Variants in NTM observed in about 807,000 individuals in gnomAD.
NTM encodes the protein neurotrimin.
Under a neutral mutation model 42.1 loss-of-function variants are expected in NTM, and 13 were observed. The observed-to-expected ratio is 0.31, with a 90% CI of 0.20 to 0.49. NTM has a LOEUF of 0.49. NTM is among the 20% of genes least tolerant of loss of function. The pLI is 0.99. For synonymous variants in NTM, 187 were observed against 179.2 expected (o/e 1.04, Z -0.35); for missense variants, 373 against 452.8 (o/e 0.82, Z 1.60).
At chr11:131,492,671 A>G (rs1416916976) in intron 1 of NTM, among the ~76,000 whole-genome samples, 1 of 152,090 alleles carries the variant, frequency 6.6e-6, no homozygotes, top group Non-Finnish European at 1.5e-5. Context: ...CAAAGTGCAC[A>G]GTGGGTTCAG....
intron 2 of NTM, among the ~76,000 whole-genome samples, chr11:132,112,087 G>A (rs2063287741): frequency 1.3e-5 from 2 of 152,326 alleles, no homozygotes; most frequent in South Asian, 4.1e-4. Flanking sequence ...TGAAGGCCAA[G>A]CTATATTTCC....
rs1398710993 is a variant in NTM at position 131,660,823 on chromosome 11, A to G, written c.83-250741A>G. The G allele has an allele frequency of 5.0e-6, 6 of 1,205,238 alleles. No individual in the cohort carries two copies. In the East Asian group the frequency reaches 2.9e-4, roughly 58 times the overall value. 74.7% of individuals were successfully genotyped at this position (1,205,238 alleles called of 1,614,324 possible). On this transcript the variant is annotated intron_variant, in intron 1 of 8. Coordinates refer to ENST00000683400, the MANE Select transcript of NTM (RefSeq NM_001352005.2). ...AAATATAGAAAGGTAGGATGAAAAA[A>G]TAATATTCACTCATTGTTACAGTTT...
chr11:131,915,409 A>T (rs574622579), intron 2 of NTM, among the ~76,000 whole-genome samples: 1 of 152,346 alleles, frequency 6.6e-6, no homozygotes, highest in Admixed American at 6.5e-5. Flanking sequence ...GAAAGCAAGA[A>T]TCATGCCTTG....
At chr11:132,094,818 T>C (rs935309099) in intron 2 of NTM, among the ~76,000 whole-genome samples, 3 of 152,168 alleles carry the variant, frequency 2.0e-5, no homozygotes, top group African/African-American at 7.2e-5. Context: ...TGTGAGTCCA[T>C]GTGTGCATCA....
chr11:131,625,801 G>A lies in NTM; in HGVS notation c.82+254913G>A, dbSNP rs554699741. Among the ~76,000 whole-genome samples, 4 of 152,282 alleles carry A rather than the reference G, an allele frequency of 2.6e-5. No homozygotes were observed. In the South Asian group the frequency reaches 8.3e-4, roughly 32 times the overall value. On this transcript the variant is annotated intron_variant, in intron 1 of 8. Transcript: ENST00000683400. Reference sequence around the variant, plus strand: ...AGTGTGCCTGCTTTACAACTCACATGAGTGAGATCACAGAGATTCTTCTCC... The same window carrying A: ...AGTGTGCCTGCTTTACAACTCACATAAGTGAGATCACAGAGATTCTTCTCC...
Position 132,214,166 on chromosome 11 carries a change from A to G in NTM, c.526+2019A>G, listed in dbSNP as rs138734758. ...ATCAGGGAGGAAGCTTCAGCTGTGCATGAGATCATTAGTGATGGAAAATGG... is the reference window on the plus strand; with the variant it reads ...ATCAGGGAGGAAGCTTCAGCTGTGCGTGAGATCATTAGTGATGGAAAATGG... On this transcript the variant is annotated intron_variant, in intron 4 of 8. Transcript: ENST00000683400. Among the ~76,000 whole-genome samples the G allele has an allele frequency of 6.1e-3, 927 of 152,272 alleles. 10 individuals are homozygous for G. The highest frequency in any genetic ancestry group is 0.017 in the Middle Eastern group (5 of 294).
At chr11:131,743,244 T>C (rs1329991722) in intron 1 of NTM, among the ~76,000 whole-genome samples, 4 of 151,770 alleles carry the variant, frequency 2.6e-5, no homozygotes, top group African/African-American at 4.8e-5. Flanking sequence ...TTTTTTTTTT[T>C]CAAATTTTAG....
rs183134395 is a variant in NTM, at chr11:132,001,203, A to G, written c.167+89555A>G. On this transcript the variant is annotated intron_variant, in intron 2 of 8. Coordinates refer to ENST00000683400, the MANE Select transcript of NTM (RefSeq NM_001352005.2). The stretch of plus-strand genomic sequence containing the variant: ...AGGGCATTGTGGTCCCTTTAAGTTT[A>G]GCAAATACTGAATGCCTGCTGTGTA... Among the ~76,000 whole-genome samples the G allele has an allele frequency of 6.6e-5, 10 of 152,354 alleles. No homozygotes were observed. In the East Asian group the frequency reaches 1.9e-3, roughly 29 times the overall value.
chr11:132,199,552 C>A (rs1248009136), intron 3 of NTM, among the ~76,000 whole-genome samples: 2 of 152,290 alleles, frequency 1.3e-5, no homozygotes, highest in African/African-American at 4.8e-5. Flanking sequence ...GTGACCTCTT[C>A]CCCTCTGTAT....
At chr11:131,596,450 A>G (rs1427898046) in intron 1 of NTM, among the ~76,000 whole-genome samples, 1 of 152,222 alleles carries the variant, frequency 6.6e-6, no homozygotes, top group East Asian at 1.9e-4. Flanking sequence ...CATTTACAAA[A>G]GCAGGTGGCC....
At chr11:131,388,867 C>T (rs1943649834) in intron 1 of NTM, among the ~76,000 whole-genome samples, 1 of 151,330 alleles carries the variant, frequency 6.6e-6, no homozygotes, top group Non-Finnish European at 1.5e-5. Flanking sequence ...TAAAAATTAT[C>T]CAGGTATGGT....
intron 2 of NTM, among the ~76,000 whole-genome samples, chr11:132,107,750 T>C (rs1352881776): frequency 2.0e-5 from 3 of 152,160 alleles, no homozygotes; most frequent in African/African-American, 7.2e-5. Context: ...GTTCTCATTG[T>C]TCCTAATGTT....
chr11:131,483,986 G>T (rs192408746), intron 1 of NTM, among the ~76,000 whole-genome samples: 2 of 152,292 alleles, frequency 1.3e-5, no homozygotes, highest in African/African-American at 4.8e-5. Context: ...ACATCTCACT[G>T]GCTGAACACA....
At chr11:131,628,902 G>A (rs2063383720) in intron 1 of NTM, among the ~76,000 whole-genome samples, 1 of 152,282 alleles carries the variant, frequency 6.6e-6, no homozygotes, top group Admixed American at 6.5e-5. Context: ...AGCCAGGGCT[G>A]TGGAGTACAG....
chr11:132,171,011 T>G (rs759299403), intron 3 of NTM, among the ~76,000 whole-genome samples: 6 of 152,194 alleles, frequency 3.9e-5, no homozygotes, highest in Non-Finnish European at 8.8e-5. Context: ...TAGTTATCTC[T>G]TCACCCAAAA....
intron 3 of NTM, among the ~76,000 whole-genome samples, chr11:132,178,327 G>T (rs969687760): frequency 8.5e-5 from 13 of 152,104 alleles, no homozygotes; most frequent in Non-Finnish European, 1.5e-4. Context: ...AAAGCTACAA[G>T]GCTTCCTTTT....
chr11:131,780,776 T>C (rs2087938709), intron 1 of NTM, among the ~76,000 whole-genome samples: 1 of 152,186 alleles, frequency 6.6e-6, no homozygotes, highest in African/African-American at 2.4e-5. Context: ...TAGAATCTAA[T>C]GTGAGAGGGT....
chr11:131,866,220 CG>C (rs1230964961), intron 1 of NTM, among the ~76,000 whole-genome samples: 1 of 152,240 alleles, frequency 6.6e-6, no homozygotes, highest in African/African-American at 2.4e-5. Flanking sequence ...CACATGCATG[CG>C]TTGGCAGGTG....
intron 1 of NTM, among the ~76,000 whole-genome samples, chr11:131,616,094 C>T (rs1043601703): frequency 6.6e-6 from 1 of 152,232 alleles, no homozygotes; most frequent in Non-Finnish European, 1.5e-5. Flanking sequence ...CAGCTGATGC[C>T]TCTGTTCCTG....
Sources: gnomAD v4.1 joint callset for allele counts (sites outside exome capture counted in the v4.1 genomes callset) on GRCh38, gnomAD v4.1.1 for gene constraint, MANE v1.5 for transcripts, NCBI Gene and HGNC (gene_info 2026-07-23, HGNC 2026-07-21) for gene names.